The following COA8 variants were observed in gnomAD, a reference collection of about 807,000 sequenced individuals.
COA8 encodes UPF0671 protein C14orf153.
COA8 carries 20 observed loss-of-function variants against 22.0 expected under a neutral mutation model. The observed-to-expected ratio is 0.91, with a 90% CI of 0.64 to 1.32. The LOEUF is 1.32. COA8 is among the 40% of genes most tolerant of loss of function. The pLI is 0.00. For missense variants in COA8, 266 were observed against 230.0 expected, an observed-to-expected ratio of 1.16 and a Z score of -1.01; for synonymous variants, 105 against 79.9, an observed-to-expected ratio of 1.31 and a Z score of -1.68.
At position 103,590,388 on chromosome 14, in the gene COA8, C is replaced by T; in HGVS notation, c.*102C>T. ...AAACTGGAGCTGATCTCAAGAAGCCCCACATCTTCCTAAGGGGCCCCATGG... is the reference window on the plus strand; with the variant it reads ...AAACTGGAGCTGATCTCAAGAAGCCTCACATCTTCCTAAGGGGCCCCATGG... On this transcript the variant is annotated 3_prime_UTR_variant, in exon 5 of 5. Transcript: ENST00000409074. The T allele has an allele frequency of 8.6e-7, 1 of 1,167,858 alleles. No individual in the cohort carries two copies. Among genetic ancestry groups the T allele is most frequent in the Admixed American group, 2.4e-5 (1 of 42,382 alleles). The allele number at this position is 1,167,858 out of a possible 1,614,324, so 72.3% of individuals were successfully genotyped here. A position where few individuals can be genotyped will look rare whatever the true frequency, so the allele number is the denominator to read the frequency against.
rs1304510258 is a variant in COA8, at chr14:103,583,559, A to G, written c.386-3715A>G. 2.6e-5 allele frequency among the ~76,000 whole-genome samples: 4 copies of G among 151,712 alleles called. No homozygotes were observed. In the East Asian group the frequency reaches 5.8e-4, roughly 22 times the overall value. ...TCGATCTCAAAAAAAAAAAAAAAAA[A>G]AAAAAAAGAGTCTTTTTTCCTCCTG... is the stretch of plus-strand genomic sequence containing the variant. On this transcript the variant is annotated intron_variant, in intron 3 of 4. Transcript: ENST00000409074.
Position 103,565,163 on chromosome 14 carries a change from C to G in COA8, c.123+2039C>G, listed in dbSNP as rs185798806. 1.3e-4 allele frequency among the ~76,000 whole-genome samples: 20 copies of G among 151,390 alleles called. No individual in the cohort carries two copies. In the East Asian group the frequency reaches 3.7e-3, roughly 28 times the overall value. ...TTAGTAGAGATGGGGTTTCACTATG[C>G]TGGCCAGGCAGGTCTCGAACTCCTG... On this transcript the variant is annotated intron_variant, in intron 1 of 4. Coordinates refer to ENST00000409074, the MANE Select transcript of COA8 (RefSeq NM_001370595.2).
chr14:103,569,008 G>A (rs999775253), intron 1 of COA8, among the ~76,000 whole-genome samples: 3 of 152,136 alleles, frequency 2.0e-5, no homozygotes, highest in African/African-American at 7.2e-5. Context: ...CTGACCAGTA[G>A]GAATGCACAT....
rs1424453654 is a variant in COA8 at position 103,581,004 on chromosome 14, T to C, written c.386-6270T>C. On this transcript the variant is annotated intron_variant, in intron 3 of 4. Transcript: ENST00000409074. The surrounding 1 kb of genome is among the most constrained non-coding windows in gnomAD (Gnocchi z 4.1). The stretch of plus-strand genomic sequence containing the variant: ...TAGTAGGGATGGAGTTTCTCCATTT[T>C]GGTCAGGCTGTTCTGGAACTCCCAA... Among the ~76,000 whole-genome samples the C allele has an allele frequency of 6.6e-6, 1 of 152,028 alleles. No individual in the cohort carries two copies. Among genetic ancestry groups the C allele is most frequent in the African/African-American group, 2.4e-5 (1 of 41,376 alleles).
intron 3 of COA8, among the ~76,000 whole-genome samples, chr14:103,580,661 T>A (rs1370614956): frequency 6.6e-6 from 1 of 151,180 alleles, no homozygotes; most frequent in East Asian, 1.9e-4. Context: ...ACCAAGCTAA[T>A]TTTTTTTGTA....
At chr14:103,578,218 A>G (rs755235799) in intron 3 of COA8, among the ~76,000 whole-genome samples, 63 of 152,160 alleles carry the variant, frequency 4.1e-4, no homozygotes, top group Non-Finnish European at 6.2e-4. Flanking sequence ...GTGGGGAAAC[A>G]TGGGAAGAGT....
intron 1 of COA8, among the ~76,000 whole-genome samples, chr14:103,564,864 A>G (rs919431332): frequency 5.9e-5 from 9 of 152,040 alleles, no homozygotes; most frequent in African/African-American, 2.2e-4. Context: ...TACAAGTGTG[A>G]GCCACCACTC....
chr14:103,577,819 G>C (rs954760083), intron 3 of COA8, among the ~76,000 whole-genome samples: 3 of 152,108 alleles, frequency 2.0e-5, no homozygotes, highest in Admixed American at 6.6e-5. Context: ...GAGGTCAGGA[G>C]TTTGAGACCA....
At position 103,581,868 on chromosome 14, in the gene COA8, G is replaced by C. The variant is rs975129084; in HGVS notation, c.386-5406G>C. Among the ~76,000 whole-genome samples, 3 of 152,198 alleles carry C rather than the reference G, an allele frequency of 2.0e-5. No homozygotes were observed. Among genetic ancestry groups the C allele is most frequent in the African/African-American group, 7.2e-5 (3 of 41,450 alleles). On this transcript the variant is annotated intron_variant, in intron 3 of 4. Coordinates refer to ENST00000409074, the MANE Select transcript of COA8 (RefSeq NM_001370595.2). The surrounding 1 kb of genome is among the most constrained non-coding windows in gnomAD (Gnocchi z 4.1). ...CAGCCGTGCTTGTGCTGTGCCGTCTGAGTGTTTGTTTCTGTCTGTGGGAAT... is the reference window on the plus strand; with the variant it reads ...CAGCCGTGCTTGTGCTGTGCCGTCTCAGTGTTTGTTTCTGTCTGTGGGAAT...
At chr14:103,571,368 CAA>C (rs56296552) in intron 1 of COA8, among the ~76,000 whole-genome samples, 1 of 131,112 alleles carries the variant, frequency 7.6e-6, no homozygotes. Context: ...GACTCTGTCT[CAA>C]AAAAAAAAAA....
chr14:103,584,371 A>G (rs140450726), intron 3 of COA8, among the ~76,000 whole-genome samples: 140 of 152,158 alleles, frequency 9.2e-4, no homozygotes, highest in African/African-American at 3.1e-3. Context: ...TGAGCTTCCA[A>G]TCAAGGCTTG....
intron 3 of COA8, 137 bp from the exon 4 acceptor site, chr14:103,587,137 A>G (rs2076313669): frequency 3.6e-6 from 2 of 559,494 alleles, no homozygotes; most frequent in Non-Finnish European, 6.4e-6. Context: ...TTGCTAGTGT[A>G]TAGAAATACA....
chr14:103,589,749 A>T (rs979636500), intron 4 of COA8, among the ~76,000 whole-genome samples: 1 of 151,782 alleles, frequency 6.6e-6, no homozygotes, highest in African/African-American at 2.4e-5. Context: ...CTACTAAAAA[A>T]AAAAAATACA....
At chr14:103,571,602 A>G in intron 1 of COA8, 21 bp from the exon 2 acceptor site, 2 of 1,591,120 alleles carry the variant, frequency 1.3e-6, no homozygotes, top group Non-Finnish European at 1.7e-6. Context: ...TCATATGTTA[A>G]TCCAATTTAC....
chr14:103,566,229 C>G (rs2076134012), intron 1 of COA8, among the ~76,000 whole-genome samples: 1 of 151,948 alleles, frequency 6.6e-6, no homozygotes, highest in African/African-American at 2.4e-5. Flanking sequence ...CAAGACCAGC[C>G]CGGCCAACAT....
At chr14:103,587,150 T>G (rs771421971) in intron 3 of COA8, 124 bp from the exon 4 acceptor site, 23 of 589,540 alleles carry the variant, frequency 3.9e-5, no homozygotes, top group Admixed American at 6.3e-5. Flanking sequence ...GAAATACAAT[T>G]GATGTTTGTA....
chr14:103,576,549 C>T (rs2076231832), intron 3 of COA8, among the ~76,000 whole-genome samples: 1 of 152,202 alleles, frequency 6.6e-6, no homozygotes, highest in Non-Finnish European at 1.5e-5. Flanking sequence ...GGAGGTGGCT[C>T]AGTACCCAGA....
At chr14:103,566,809 C>T (rs1455005686) in intron 1 of COA8, among the ~76,000 whole-genome samples, 1 of 152,224 alleles carries the variant, frequency 6.6e-6, no homozygotes, top group African/African-American at 2.4e-5. Flanking sequence ...CAGCTCCAGG[C>T]AGGGTCTCCT....
chr14:103,574,514 C>A, intron 3 of COA8: 1 of 494,558 alleles, frequency 2.0e-6, no homozygotes, highest in Non-Finnish European at 3.9e-6. Flanking sequence ...CTCAAAATAG[C>A]CTCTCCTTAT....
Sources: gnomAD v4.1 joint callset for allele counts (sites outside exome capture counted in the v4.1 genomes callset) on GRCh38, gnomAD v4.1.1 for gene constraint, Gnocchi (gnomAD v3.1) non-coding constraint, MANE v1.5 for transcripts, NCBI Gene and HGNC (gene_info 2026-07-23, HGNC 2026-07-21) for gene names.